The following CYTH4 variants were observed in gnomAD, a reference collection of about 807,000 sequenced individuals.
The protein encoded by CYTH4 is cytohesin-4.
A neutral mutation model predicts 57.5 loss-of-function variants in CYTH4; 22 were observed. That is an observed-to-expected ratio of 0.38 (90% CI 0.27 to 0.55). The LOEUF is 0.55. Among genes scored for constraint, CYTH4 ranks in the 20% least tolerant of loss-of-function variants. The probability of loss-of-function intolerance (pLI) is 0.74; values close to 1 mark genes in which losing one functional copy is unlikely to be tolerated. For synonymous variants in CYTH4, 186 were observed against 206.5 expected (o/e 0.90, Z 0.85); for missense variants, 420 against 535.6 (o/e 0.78, Z 2.13).
At chr22:37,301,064 C>T (rs918679563) in intron 7 of CYTH4, 45 bp downstream of exon 7, 1 of 1,525,694 alleles carries the variant, frequency 6.6e-7, no homozygotes, top group Non-Finnish European at 9.0e-7. Context: ...ACCCCTTCAG[C>T]ATTGCCAGGC....
At chr22:37,286,894 C>T (rs900422921) in intron 1 of CYTH4, among the ~76,000 whole-genome samples, 3 of 152,056 alleles carry the variant, frequency 2.0e-5, no homozygotes, top group African/African-American at 7.2e-5. Flanking sequence ...GGGAGGCATC[C>T]GAAAGCCCTG....
In CYTH4 at chr22:37,313,910, G is replaced by A; in HGVS notation, c.*399G>A. The A allele has an allele frequency of 4.1e-6, 1 of 246,254 alleles. No individual in the cohort carries two copies. The highest frequency in any genetic ancestry group is 8.7e-5 in the South Asian group (1 of 11,472). 15.3% of individuals were successfully genotyped at this position (246,254 alleles called of 1,614,324 possible). On this transcript the variant is annotated 3_prime_UTR_variant, in exon 13 of 13. Coordinates refer to ENST00000248901, the MANE Select transcript of CYTH4 (RefSeq NM_013385.5). ...CCCTCAACGTAGGAGGGGCCGTGGG[G>A]TCCCTAAGTGATTCTTCTCCCTGGC...
At chr22:37,312,993 C>A (rs1159959878) in intron 12 of CYTH4, among the ~76,000 whole-genome samples, 1 of 152,204 alleles carries the variant, frequency 6.6e-6, no homozygotes, top group Non-Finnish European at 1.5e-5. Context: ...GGCTGCCAGG[C>A]AGACCCATTC....
chr22:37,298,420 G>A lies in CYTH4; in HGVS notation c.353+738G>A. 6.2e-6 allele frequency: 1 copy of A among 160,938 alleles called. No homozygotes were observed. The highest frequency in any genetic ancestry group is 1.4e-5 in the Non-Finnish European group (1 of 73,398). The allele number at this position is 160,938 out of a possible 1,614,324, so 10.0% of individuals were successfully genotyped here. ...AAAACAAAGAAAGAAAGACATGCTG[G>A]GGACCATAGGTTGGGGGCTGTGATT... On this transcript the variant is annotated intron_variant, in intron 5 of 12. Coordinates refer to ENST00000248901, the MANE Select transcript of CYTH4 (RefSeq NM_013385.5). This position sits in a 1 kb window ranked among gnomAD's most constrained non-coding sequence, Gnocchi z 4.1.
chr22:37,311,769 C>T lies in CYTH4; in HGVS notation c.957+242C>T. 6 of 654,674 alleles carry T rather than the reference C, an allele frequency of 9.2e-6. No individual in the cohort carries two copies. The South Asian group carries it at 1.2e-4, about 13-fold the overall frequency. 40.6% of individuals were successfully genotyped at this position (654,674 alleles called of 1,614,324 possible). A position where few individuals can be genotyped will look rare whatever the true frequency, so the allele number is the denominator to read the frequency against. On this transcript the variant is annotated intron_variant, in intron 11 of 12. Coordinates refer to ENST00000248901, the MANE Select transcript of CYTH4 (RefSeq NM_013385.5). This position sits in a 1 kb window ranked among gnomAD's most constrained non-coding sequence, Gnocchi z 4.4. ...CACACAGCCCGACTGGCTGGATGGC[C>T]CCGAGTAAGCTCCACTCCATTCAGA...
chr22:37,304,610 C>G (rs2145866659), intron 8 of CYTH4, among the ~76,000 whole-genome samples: 1 of 152,242 alleles, frequency 6.6e-6, no homozygotes, highest in African/African-American at 2.4e-5. Context: ...TGGGGTGGAG[C>G]CTGGATCTGG....
intron 8 of CYTH4, 75 bp from the exon 9 acceptor site, chr22:37,309,128 AAGGCCACAC>A (rs1412680396): frequency 9.1e-6 from 11 of 1,213,180 alleles, no homozygotes; most frequent in Non-Finnish European, 1.3e-5. Flanking sequence ...TGACCTGCTC[AAGGCCACAC>A]AGGCCAGGCC....
In CYTH4 at chr22:37,309,304, G is replaced by C. The variant is rs1458628541; in HGVS notation, c.789G>C (p.Glu263Asp). The C allele has an allele frequency of 1.2e-6, 2 of 1,614,000 alleles. No individual in the cohort carries two copies. Among genetic ancestry groups the C allele is most frequent in the East Asian group, 2.2e-5 (1 of 44,900 alleles). ...ACACCTTCTTCAATCCAGACCGGGAGGGTTGGCTGCTCAAGCTAGGTGAGA... is the reference window on the plus strand; with the variant it reads ...ACACCTTCTTCAATCCAGACCGGGACGGTTGGCTGCTCAAGCTAGGTGAGA... ...LTHTFFNPDR[E>D]GWLLKLGGRV... is the part of the protein sequence containing the mutation. Residue 263 changes from glutamate (E) to aspartate (D), a missense_variant, in exon 9 of 13, where the codon GAG becomes GAC. By Grantham distance (45) the Glu-to-Asp change is conservative. Transcript: ENST00000248901.
rs200604175 is a variant in CYTH4 at position 37,296,079 on chromosome 22, G to A, written c.234+14G>A. 619 of 1,610,552 alleles carry A rather than the reference G, an allele frequency of 3.8e-4. 3 individuals carry two copies. In the African/African-American group the frequency reaches 7.0e-3, roughly 18 times the overall value. ...GACCCCGCCAAGGTAGGTGGCTGTG[G>A]AGGGCCCGGGCCACAGGGTGTGGGG... is the stretch of plus-strand genomic sequence containing the variant. On this transcript the variant is annotated intron_variant, in intron 4 of 12. Transcript: ENST00000248901.
Position 37,299,202 on chromosome 22 carries a change from C to A in CYTH4, c.354-24C>A. On this transcript the variant is annotated intron_variant, in intron 5 of 12. Transcript: ENST00000248901. ...CAGCAAGTATCCAAGTGTGTCCCAC[C>A]CTCCCTTCCGCCTCCTCCCCCAGGG... 4 of 1,528,178 alleles carry A rather than the reference C, an allele frequency of 2.6e-6. No homozygotes were observed. In the South Asian group the frequency reaches 3.4e-5, roughly 13 times the overall value. 94.7% of individuals were successfully genotyped at this position (1,528,178 alleles called of 1,614,324 possible).
intron 8 of CYTH4, among the ~76,000 whole-genome samples, chr22:37,307,325 C>A (rs973278478): frequency 6.6e-6 from 1 of 152,204 alleles, no homozygotes; most frequent in Non-Finnish European, 1.5e-5. Context: ...TGAAGACCCC[C>A]GTCTGCCCCC....
chr22:37,292,585 G>A (rs1928786076), intron 1 of CYTH4, 36 bp from the exon 2 acceptor site: 5 of 1,609,768 alleles, frequency 3.1e-6, no homozygotes, highest in Non-Finnish European at 4.2e-6. Flanking sequence ...TGTGGCTGGA[G>A]CCAAGTGATG....
intron 4 of CYTH4, 35 bp downstream of exon 4, chr22:37,296,100 TG>T: frequency 1.2e-6 from 2 of 1,600,734 alleles, no homozygotes; most frequent in Non-Finnish European, 8.5e-7. Context: ...CCACAGGGTG[TG>T]GGGGCTGCAT....
intron 1 of CYTH4, among the ~76,000 whole-genome samples, chr22:37,289,960 T>G (rs979070584): frequency 6.6e-6 from 1 of 152,160 alleles, no homozygotes; most frequent in Non-Finnish European, 1.5e-5. Flanking sequence ...GCCATTCCCC[T>G]CAGGATATAG....
At position 37,296,035 on chromosome 22, in the gene CYTH4, G is replaced by A; in HGVS notation, c.204G>A (p.Gly68=). 1 of 1,613,476 alleles carries A rather than the reference G, an allele frequency of 6.2e-7. No individual in the cohort carries two copies. Among genetic ancestry groups the A allele is most frequent in the Admixed American group, 1.7e-5 (1 of 59,958 alleles). ...AGAAGGAGAAGGAGCTGTGTATTGG[G>A]CGCAAGAAGTTCAACATGGACCCCG... ...MAQKEKELCI[G]RKKFNMDPAK... is the part of the protein sequence containing the mutation. Residue 68 remains glycine, a synonymous_variant, in exon 4 of 13, where the codon GGG becomes GGA. Coordinates refer to ENST00000248901, the MANE Select transcript of CYTH4 (RefSeq NM_013385.5).
intron 6 of CYTH4, among the ~76,000 whole-genome samples, chr22:37,300,463 T>C (rs1383003749): frequency 6.6e-6 from 1 of 152,066 alleles, no homozygotes; most frequent in Non-Finnish European, 1.5e-5. Context: ...ACCACCAACT[T>C]CCAGAGCTAG....
chr22:37,301,119 C>T, intron 7 of CYTH4, 100 bp downstream of exon 7: 2 of 995,160 alleles, frequency 2.0e-6, no homozygotes, highest in East Asian at 2.6e-5. Context: ...GTACCCAGAC[C>T]CTGGCAGCCC....
chr22:37,309,098 A>G, intron 8 of CYTH4, 114 bp from the exon 9 acceptor site: 1 of 772,046 alleles, frequency 1.3e-6, no homozygotes, highest in Non-Finnish European at 2.1e-6. Context: ...AGGTGAGGAA[A>G]GAGTATGCCT....
rs757653238 is a variant in CYTH4, at chr22:37,309,282, C to A, written c.767C>A (p.Thr256Asn). ...PEDDGNDLTH[T>N]FFNPDREGWL... Reference sequence around the variant, plus strand: ...GACGACGGCAATGACCTCACTCACACCTTCTTCAATCCAGACCGGGAGGGT... The same window carrying A: ...GACGACGGCAATGACCTCACTCACAACTTCTTCAATCCAGACCGGGAGGGT... Residue 256 changes from threonine to asparagine, a missense_variant, in exon 9 of 13, where the codon ACC (threonine) becomes AAC (asparagine). Thr to Asn is a moderately conservative substitution (Grantham distance 65). Transcript: ENST00000248901. 1 of 1,614,028 alleles carries A rather than the reference C, an allele frequency of 6.2e-7. No homozygotes were observed. Among genetic ancestry groups the A allele is most frequent in the African/African-American group, 1.3e-5 (1 of 74,932 alleles).
Sources: allele counts gnomAD v4.1 joint callset (sites outside exome capture counted in the v4.1 genomes callset), GRCh38; gene constraint gnomAD v4.1.1; non-coding constraint Gnocchi (gnomAD v3.1); transcripts MANE v1.5; gene names NCBI Gene and HGNC (gene_info 2026-07-23, HGNC 2026-07-21).